The following ITGAD variants were observed in gnomAD, a reference collection of about 807,000 sequenced individuals.
The protein encoded by ITGAD is integrin subunit alpha D, also known as integrin alpha-D.
In ITGAD, 105 loss-of-function variants were observed where a neutral mutation model predicts 139.0. The ratio of observed to expected loss-of-function variants is 0.76; its 90% CI spans 0.65 to 0.89. The LOEUF (loss-of-function observed/expected upper bound fraction) is 0.89. Ranked by LOEUF, ITGAD falls within the 40% of genes least tolerant of loss-of-function variation. The pLI, the probability that ITGAD is intolerant of heterozygous loss-of-function variation, is 0.00. For missense variants in ITGAD, 1,384 were observed against 1,487.3 expected (o/e 0.93, Z 1.14); for synonymous variants, 569 against 598.3 (o/e 0.95, Z 0.71).
At position 31,411,123 on chromosome 16, in the gene ITGAD, C is replaced by A. The variant is rs772557374; in HGVS notation, c.1404C>A (p.Ser468Arg). Residue 468 changes from serine (S) to arginine (R), a missense_variant, in exon 13 of 30, where the codon AGC (serine) becomes AGA (arginine). Ser to Arg is a moderately radical substitution (Grantham distance 110). Coordinates refer to ENST00000389202, the MANE Select transcript of ITGAD (RefSeq NM_005353.3). ...GASLCSVDVDSDGSTDLILIG... is the reference protein window; with the variant it reads ...GASLCSVDVDRDGSTDLILIG... Reference sequence around the variant, plus strand: ...CCCTCTGCTCTGTGGATGTGGACAGCGATGGCAGCACCGACCTGATCCTCA... The same window carrying A: ...CCCTCTGCTCTGTGGATGTGGACAGAGATGGCAGCACCGACCTGATCCTCA... 1 of 1,613,206 alleles carries A rather than the reference C, an allele frequency of 6.2e-7. No individual in the cohort carries two copies. Among genetic ancestry groups the A allele is most frequent in the Non-Finnish European group, 8.5e-7 (1 of 1,179,796 alleles).
intron 2 of ITGAD, 33 bp downstream of exon 2, chr16:31,394,374 C>T (rs914791829): frequency 6.6e-7 from 1 of 1,516,720 alleles, no homozygotes. Flanking sequence ...CCCCAACCTC[C>T]ACTACATCAA....
rs558197186 is a variant in ITGAD, at chr16:31,403,689, C to T, written c.704+44C>T. 2 of 1,610,618 alleles carry T rather than the reference C, an allele frequency of 1.2e-6. No homozygotes were observed. Among genetic ancestry groups the T allele is most frequent in the African/African-American group, 2.7e-5 (2 of 75,042 alleles). ...AGCCTGGCGATGTGACTGCCACCCC[C>T]ACTTCCTAACCCTGGGTCAGCACAG... is the stretch of plus-strand genomic sequence containing the variant. On this transcript the variant is annotated intron_variant, in intron 7 of 29. Coordinates refer to ENST00000389202, the MANE Select transcript of ITGAD (RefSeq NM_005353.3). The surrounding 1 kb of genome is among the most constrained non-coding windows in gnomAD (Gnocchi z 4.4).
intron 7 of ITGAD, among the ~76,000 whole-genome samples, chr16:31,405,859 T>A (rs2081526648): frequency 6.6e-6 from 1 of 151,850 alleles, no homozygotes; most frequent in African/African-American, 2.4e-5. Context: ...CCCAGGCTGG[T>A]CTTGAACTCC....
intron 2 of ITGAD, among the ~76,000 whole-genome samples, chr16:31,397,062 GTTTTTT>G (rs539015704): frequency 1.2e-4 from 12 of 100,810 alleles, no homozygotes; most frequent in East Asian, 5.6e-4. Flanking sequence ...CTTTAAATAG[GTTTTTT>G]TTTTTTTTTT....
chr16:31,421,514 G>A (rs1393654499), intron 23 of ITGAD, among the ~76,000 whole-genome samples: 1 of 151,614 alleles, frequency 6.6e-6, no homozygotes, highest in Non-Finnish European at 1.5e-5. Context: ...AATGAAAAGA[G>A]GTTTAGAACT....
At chr16:31,424,423 T>A in intron 28 of ITGAD, 44 bp from the exon 29 acceptor site, 1 of 1,524,330 alleles carries the variant, frequency 6.6e-7, no homozygotes, top group Non-Finnish European at 9.1e-7. Context: ...CTGGGAGGCA[T>A]CTGGGATGGC....
intron 22 of ITGAD, 50 bp from the exon 23 acceptor site, chr16:31,418,431 A>C: frequency 1.2e-6 from 2 of 1,608,136 alleles, no homozygotes; most frequent in Non-Finnish European, 1.7e-6. Context: ...CCCCGGCTAG[A>C]GACCCCTCTC....
In ITGAD at chr16:31,424,498, A is replaced by G. The variant is rs1349855791; in HGVS notation, c.3293A>G (p.Tyr1098Cys). 6.2e-7 allele frequency: 1 copy of G among 1,614,058 alleles called. No individual in the cohort carries two copies. ...ATGGTGCTAGAAGAAGACGAGGTCT[A>G]CAATGCCATTCCCATCATCATGGGC... ...MEMVLEEDEV[Y>C]NAIPIIMGSS... Residue 1098 changes from tyrosine to cysteine, a missense_variant, in exon 29 of 30, where the codon TAC (tyrosine) becomes TGC (cysteine). Transcript: ENST00000389202.
Position 31,403,263 on chromosome 16 carries a change from C to T in ITGAD, c.559-237C>T, listed in dbSNP as rs992900586. On this transcript the variant is annotated intron_variant, in intron 6 of 29. Transcript: ENST00000389202. This position sits in a 1 kb window ranked among gnomAD's most constrained non-coding sequence, Gnocchi z 4.4. ...CTGAGGTGGGAGTATTGCTTGAGGC[C>T]AAGAGTTCGAGACCAGCCTGGGCAA... The T allele has an allele frequency of 2.2e-5, 10 of 445,176 alleles. No homozygotes were observed. Among genetic ancestry groups the T allele is most frequent in the Non-Finnish European group, 4.0e-5 (10 of 247,998 alleles). 27.6% of individuals were successfully genotyped at this position (445,176 alleles called of 1,614,324 possible). A position where few individuals can be genotyped will look rare whatever the true frequency, so the allele number is the denominator to read the frequency against.
rs961690970 is a variant in ITGAD, at chr16:31,394,276, G to A, written c.72G>A (p.Glu24=). Residue 24 remains glutamate (E), a synonymous_variant, in exon 2 of 30, where the codon GAG becomes GAA. Coordinates refer to ENST00000389202, the MANE Select transcript of ITGAD (RefSeq NM_005353.3). The stretch of plus-strand genomic sequence containing the variant: ...ATGGATTCAACCTGGATGTGGAGGA[G>A]CCTACGATCTTCCAGGAGGATGCAG... ...SYHGFNLDVE[E]PTIFQEDAGG... 1.9e-6 allele frequency: 3 copies of A among 1,614,002 alleles called. No homozygotes were observed. The highest frequency in any genetic ancestry group is 1.3e-5 in the African/African-American group (1 of 75,020).
At chr16:31,422,235 T>G (rs1421918658) in intron 23 of ITGAD, among the ~76,000 whole-genome samples, 2 of 152,074 alleles carry the variant, frequency 1.3e-5, no homozygotes, top group Non-Finnish European at 2.9e-5. Context: ...CCACCTCGCC[T>G]GGCCAGCTTG....
chr16:31,414,246 G>GCCAGCCATCCATCCAT (rs145399519), intron 16 of ITGAD, among the ~76,000 whole-genome samples: 5 of 148,748 alleles, frequency 3.4e-5, no homozygotes, highest in East Asian at 2.0e-4. Flanking sequence ...CTATTATCTA[G>GCCAGCCATCCATCCAT]CCATCCATCC....
intron 22 of ITGAD, 27 bp downstream of exon 22, chr16:31,418,407 C>A: frequency 6.2e-7 from 1 of 1,608,886 alleles, no homozygotes; most frequent in Non-Finnish European, 8.5e-7. Context: ...GTATCCCCCA[C>A]CCTCCATCGC....
chr16:31,413,395 T>C (rs1469581128), intron 16 of ITGAD, 149 bp downstream of exon 16: 8 of 820,972 alleles, frequency 9.7e-6, no homozygotes, highest in African/African-American at 3.5e-5. Flanking sequence ...CTCTCCCCTC[T>C]TCCTCACACC....
intron 7 of ITGAD, among the ~76,000 whole-genome samples, chr16:31,405,049 C>T (rs2081503294): frequency 6.6e-6 from 1 of 152,180 alleles, no homozygotes; most frequent in South Asian, 2.1e-4. Context: ...TACAAGTGCA[C>T]ACCACCATGC....
chr16:31,416,099 A>G (rs2081878750), intron 18 of ITGAD, 114 bp from the exon 19 acceptor site: 2 of 767,954 alleles, frequency 2.6e-6, no homozygotes, highest in East Asian at 5.5e-5. Flanking sequence ...GGTGTCCAGC[A>G]AAGTGCTGGG....
chr16:31,417,941 C>T (rs866358860), intron 20 of ITGAD, 134 bp from the exon 21 acceptor site: 35 of 593,628 alleles, frequency 5.9e-5, no homozygotes, highest in Middle Eastern at 9.0e-4. Flanking sequence ...GAGTGAAATC[C>T]GTCTCAAAAA....
At chr16:31,425,396 A>C (rs940198166) in intron 29 of ITGAD, among the ~76,000 whole-genome samples, 1 of 152,130 alleles carries the variant, frequency 6.6e-6, no homozygotes, top group East Asian at 1.9e-4. Context: ...AATGATAATA[A>C]TGCTTATATC....
chr16:31,411,514 C>G lies in ITGAD; in HGVS notation c.1704C>G (p.Ser568Arg), dbSNP rs570941501. The change falls in exon 14 of 30, where the codon AGC (serine) becomes AGG (arginine). Residue 568 changes from serine to arginine, a missense_variant. Coordinates refer to ENST00000389202, the MANE Select transcript of ITGAD (RefSeq NM_005353.3). ...AATCCGGCATCAGCCCCTCCCACAG[C>G]CAGGTGAGGCCCGTCTTCAGCCTCT... ...ASESGISPSH[S>R]QRIASSQLSP... The G allele has an allele frequency of 1.7e-5, 27 of 1,613,980 alleles. No homozygotes were observed. Among genetic ancestry groups the G allele is most frequent in the Non-Finnish European group, 2.2e-5 (26 of 1,179,958 alleles).
Sources: allele counts gnomAD v4.1 joint callset (sites outside exome capture counted in the v4.1 genomes callset), GRCh38; gene constraint gnomAD v4.1.1; non-coding constraint Gnocchi (gnomAD v3.1); transcripts MANE v1.5; gene names NCBI Gene and HGNC (gene_info 2026-07-23, HGNC 2026-07-21).